The following FBXO42 variants were observed in gnomAD, a reference collection of about 807,000 sequenced individuals.
FBXO42 encodes F-box only protein 42.
A neutral mutation model predicts 71.7 loss-of-function variants in FBXO42; 12 were observed. That is an observed-to-expected ratio of 0.17 (90% CI 0.11 to 0.27). The LOEUF (loss-of-function observed/expected upper bound fraction) is 0.27, where lower values mean the gene tolerates loss of function less well. Ranked by LOEUF, FBXO42 falls within the 10% of genes least tolerant of loss-of-function variation. The pLI, the probability that FBXO42 is intolerant of heterozygous loss-of-function variation, is 1.00. For synonymous variants in FBXO42, 325 were observed against 327.5 expected (o/e 0.99, Z 0.08); for missense variants, 707 against 911.9 (o/e 0.78, Z 2.89).
intron 4 of FBXO42, among the ~76,000 whole-genome samples, chr1:16,286,835 A>G (rs776006894): frequency 6.6e-6 from 1 of 152,188 alleles, no homozygotes; most frequent in Non-Finnish European, 1.5e-5. Flanking sequence ...AAAAACCTGA[A>G]GAGTCATCTT....
intron 1 of FBXO42, among the ~76,000 whole-genome samples, chr1:16,316,184 A>G (rs892545742): frequency 1.2e-4 from 18 of 151,400 alleles, no homozygotes; most frequent in African/African-American, 2.2e-4. Flanking sequence ...AAAAAAAAAA[A>G]AAAGAAAGAA....
intron 2 of FBXO42, among the ~76,000 whole-genome samples, chr1:16,310,409 T>TA (rs2082301528): frequency 6.6e-6 from 1 of 151,240 alleles, no homozygotes; most frequent in African/African-American, 2.4e-5. Context: ...CATGTGCTTG[T>TA]AGTGCCAGCT....
chr1:16,323,278 C>T (rs58022719), intron 1 of FBXO42, among the ~76,000 whole-genome samples: 4,071 of 151,624 alleles, frequency 0.027, 186 homozygotes, highest in African/African-American at 0.091. Flanking sequence ...ATTAGCTGGG[C>T]GTGGTGGTGG....
intron 1 of FBXO42, among the ~76,000 whole-genome samples, chr1:16,344,233 A>G (rs12739842): frequency 0.96 from 145,662 of 151,798 alleles, 70,157 homozygotes; most frequent in East Asian, 1. Context: ...CCTGACCTCA[A>G]GTGATCCACC....
intron 2 of FBXO42, among the ~76,000 whole-genome samples, chr1:16,311,427 G>A (rs1321461633): frequency 2.0e-5 from 3 of 146,686 alleles, no homozygotes; most frequent in East Asian, 2.0e-4. Flanking sequence ...AGTCAAGGCC[G>A]CAATGAGCTA....
intron 1 of FBXO42, among the ~76,000 whole-genome samples, chr1:16,339,501 C>CA (rs2082583149): frequency 6.6e-6 from 1 of 151,610 alleles, no homozygotes; most frequent in Admixed American, 6.6e-5. Context: ...TCAGTAGAGA[C>CA]AGAGTTTCAC....
intron 4 of FBXO42, among the ~76,000 whole-genome samples, chr1:16,289,659 T>C (rs2082057943): frequency 6.6e-6 from 1 of 152,146 alleles, no homozygotes; most frequent in Admixed American, 6.6e-5. Context: ...TCTTTAGGTC[T>C]CAGCCAAAAA....
chr1:16,273,463 C>A (rs2081866351), intron 4 of FBXO42, among the ~76,000 whole-genome samples: 10 of 151,966 alleles, frequency 6.6e-5, no homozygotes. Context: ...TAAAATATCT[C>A]TTAAAGTTGA....
intron 1 of FBXO42, among the ~76,000 whole-genome samples, chr1:16,332,926 G>A (rs1469404178): frequency 1.3e-5 from 2 of 152,162 alleles, no homozygotes; most frequent in Non-Finnish European, 2.9e-5. Context: ...AATGAGAAGA[G>A]TAGTGGCTTT....
intron 1 of FBXO42, among the ~76,000 whole-genome samples, chr1:16,326,050 C>CTG (rs2082447318): frequency 1.5e-5 from 1 of 67,840 alleles, no homozygotes; most frequent in East Asian, 5.7e-4. Context: ...GTGTGTGTGT[C>CTG]TGTGTGTGTC....
chr1:16,350,864 C>A (rs1201778575), intron 1 of FBXO42, among the ~76,000 whole-genome samples: 1 of 151,788 alleles, frequency 6.6e-6, no homozygotes, highest in Non-Finnish European at 1.5e-5. Flanking sequence ...ACGCAACATG[C>A]CTATGGATCA....
chr1:16,312,225 G>A (rs2082319622), intron 2 of FBXO42, among the ~76,000 whole-genome samples: 1 of 152,074 alleles, frequency 6.6e-6, no homozygotes, highest in Non-Finnish European at 1.5e-5. Context: ...ACACAGGCAT[G>A]GTGGTGCACA....
chr1:16,304,230 T>C (rs1209856609), intron 3 of FBXO42, among the ~76,000 whole-genome samples: 4 of 151,810 alleles, frequency 2.6e-5, no homozygotes, highest in African/African-American at 4.8e-5. Context: ...AGTTCTCCTG[T>C]CTCAGCCTCC....
intron 1 of FBXO42, among the ~76,000 whole-genome samples, chr1:16,338,438 G>C (rs1224715883): frequency 6.7e-6 from 1 of 149,454 alleles, no homozygotes; most frequent in East Asian, 2.0e-4. Flanking sequence ...TCTATTACCT[G>C]TTTCTTCAAA....
At chr1:16,330,113 A>G (rs2082485702) in intron 1 of FBXO42, among the ~76,000 whole-genome samples, 1 of 152,234 alleles carries the variant, frequency 6.6e-6, no homozygotes, top group Admixed American at 6.5e-5. Flanking sequence ...GTAGCTAGAC[A>G]CTAAGCTAGT....
chr1:16,335,123 A>C (rs1199823494), intron 1 of FBXO42, among the ~76,000 whole-genome samples: 1 of 151,732 alleles, frequency 6.6e-6, no homozygotes, highest in African/African-American at 2.4e-5. Context: ...GTCTCAAAAA[A>C]AAGAGAAAAG....
intron 1 of FBXO42, among the ~76,000 whole-genome samples, chr1:16,323,536 C>T (rs1440487888): frequency 5.9e-5 from 9 of 151,890 alleles, no homozygotes; most frequent in South Asian, 2.1e-4. Flanking sequence ...GTGGCTCACG[C>T]CTGTAATCCC....
Position 16,279,854 on chromosome 1 carries a change from C to CTTTTCT in FBXO42, c.502+14928_502+14929insAGAAAA, listed in dbSNP as rs144698838. The stretch of plus-strand genomic sequence containing the variant: ...TCATGTTGACAATGGTTTTTTTTTT[C>CTTTTCT]TTTTTTTTTTGAGACAGAGTCTTGC... On this transcript the variant is annotated intron_variant, in intron 4 of 9. Transcript: ENST00000375592. Among the ~76,000 whole-genome samples the CTTTTCT allele has an allele frequency of 2.9e-5, 4 of 138,168 alleles. 1 individual carries two copies. The highest frequency in any genetic ancestry group is 3.1e-5 in the Non-Finnish European group (2 of 65,418). The allele number at this position is 138,168 out of a possible 152,430, so 90.6% of individuals were successfully genotyped here.
intron 4 of FBXO42, chr1:16,294,520 T>C (rs1016283322): frequency 2.4e-6 from 1 of 418,266 alleles, no homozygotes; most frequent in African/African-American, 2.0e-5. Context: ...TGTATGAGTA[T>C]ACTTGAGAAA....
Sources: allele counts gnomAD v4.1 joint callset (sites outside exome capture counted in the v4.1 genomes callset), GRCh38; gene constraint gnomAD v4.1.1; transcripts MANE v1.5; gene names NCBI Gene and HGNC (gene_info 2026-07-23, HGNC 2026-07-21).